The following TEX26 variants were observed in gnomAD, a reference collection of about 807,000 sequenced individuals.
TEX26 encodes testis expressed 26, also known as testis-expressed protein 26.
In TEX26, 34 loss-of-function variants were observed where a neutral mutation model predicts 35.3. The observed-to-expected ratio is 0.96, with a 90% confidence interval of 0.73 to 1.28. The LOEUF is 1.28. TEX26 is among the 50% of genes most tolerant of loss of function. The pLI, the probability that TEX26 is intolerant of heterozygous loss-of-function variation, is 0.00. For missense variants in TEX26, 371 were observed against 330.1 expected (o/e 1.12, Z -0.96); for synonymous variants, 136 against 111.8 (o/e 1.22, Z -1.36).
Position 30,954,277 on chromosome 13 carries a change from T to TACAC in TEX26, c.312+1492_312+1495dup, listed in dbSNP as rs56003143. Among the ~76,000 whole-genome samples the TACAC allele has an allele frequency of 3.5e-3, 479 of 137,940 alleles. 6 individuals carry two copies. Among genetic ancestry groups the TACAC allele is most frequent in the African/African-American group, 0.012 (438 of 36,882 alleles). 90.5% of individuals were successfully genotyped at this position (137,940 alleles called of 152,430 possible). ...AAAAATATATATATTTATAGACCTA[T>TACAC]ACACACACACACACACACACACACA... On this transcript the variant is annotated intron_variant, in intron 3 of 6. Transcript: ENST00000380473.
At chr13:30,934,656 G>A (rs1443463247) in intron 1 of TEX26, among the ~76,000 whole-genome samples, 1 of 152,158 alleles carries the variant, frequency 6.6e-6, no homozygotes, top group African/African-American at 2.4e-5. Flanking sequence ...CATGCTGGCT[G>A]CAGCAGGGAA....
intron 4 of TEX26, among the ~76,000 whole-genome samples, chr13:30,959,229 A>G (rs1954248753): frequency 6.6e-6 from 1 of 152,240 alleles, no homozygotes; most frequent in Admixed American, 6.5e-5. Flanking sequence ...ACTTACAGGC[A>G]TATAAAGAAA....
chr13:30,932,767 C>T lies in TEX26; in HGVS notation c.52C>T (p.Leu18Phe), dbSNP rs1369073227. ...APDPSLCHHN[L>F]QPTDDPNWDS... ...GGATCCCTCTCTCTGCCACCACAACCTCCAGCCAAGTAAGACAGCAGACTC... is the reference window on the plus strand; with the variant it reads ...GGATCCCTCTCTCTGCCACCACAACTTCCAGCCAAGTAAGACAGCAGACTC... Residue 18 changes from leucine (L) to phenylalanine (F), a missense_variant, in exon 1 of 7, where the codon CTC becomes TTC. Transcript: ENST00000380473. 4.3e-6 allele frequency: 7 copies of T among 1,614,028 alleles called. No individual in the cohort carries two copies. In the Admixed American group the frequency reaches 1.0e-4, roughly 23 times the overall value.
chr13:30,967,321 T>C (rs1332278357), intron 5 of TEX26, among the ~76,000 whole-genome samples: 1 of 152,122 alleles, frequency 6.6e-6, no homozygotes, highest in African/African-American at 2.4e-5. Flanking sequence ...CAGAGCCTCA[T>C]ATGTGTGACT....
In TEX26 at chr13:30,972,939, C is replaced by T. The variant is rs532137354; in HGVS notation, c.809-1907C>T. 4.6e-5 allele frequency among the ~76,000 whole-genome samples: 7 copies of T among 152,308 alleles called. No individual in the cohort carries two copies. In the South Asian group the frequency reaches 1.5e-3, roughly 32 times the overall value. On this transcript the variant is annotated intron_variant, in intron 6 of 6. Transcript: ENST00000380473. Reference sequence around the variant, plus strand: ...GGCATGAGCCACTGTGCCCAGCCATCAAAGAGTACAATCACTTTGGAAACA... The same window carrying T: ...GGCATGAGCCACTGTGCCCAGCCATTAAAGAGTACAATCACTTTGGAAACA...
At chr13:30,966,528 C>T in intron 5 of TEX26, 130 bp downstream of exon 5, 2 of 826,228 alleles carry the variant, frequency 2.4e-6, no homozygotes, top group Non-Finnish European at 3.6e-6. Flanking sequence ...ATCTCCGCCT[C>T]CTGGGTTCAA....
intron 3 of TEX26, among the ~76,000 whole-genome samples, chr13:30,956,389 C>T (rs1031504151): frequency 3.3e-5 from 5 of 151,920 alleles, no homozygotes; most frequent in African/African-American, 4.8e-5. Flanking sequence ...TGTATATGTG[C>T]CACATTTTCT....
At chr13:30,935,297 C>T (rs1023661515) in intron 1 of TEX26, among the ~76,000 whole-genome samples, 1 of 152,226 alleles carries the variant, frequency 6.6e-6, no homozygotes, top group African/African-American at 2.4e-5. Context: ...AGTAAGGCCC[C>T]ACCCTCTGAC....
intron 5 of TEX26, among the ~76,000 whole-genome samples, chr13:30,967,256 CA>C (rs1426264691): frequency 6.6e-6 from 1 of 152,102 alleles, no homozygotes; most frequent in African/African-American, 2.4e-5. Context: ...ACAATAATCA[CA>C]GAATTGATGC....
chr13:30,955,318 C>T (rs1954086288), intron 3 of TEX26, among the ~76,000 whole-genome samples: 1 of 152,224 alleles, frequency 6.6e-6, no homozygotes, highest in African/African-American at 2.4e-5. Flanking sequence ...TCTCTGGATA[C>T]ACCTGCCAAT....
At chr13:30,950,270 G>A (rs1388393187) in intron 2 of TEX26, among the ~76,000 whole-genome samples, 1 of 152,164 alleles carries the variant, frequency 6.6e-6, no homozygotes. Context: ...GACCAGTGTG[G>A]TGGCATGTGC....
chr13:30,933,053 A>C (rs1953134321), intron 1 of TEX26: 1 of 353,068 alleles, frequency 2.8e-6, no homozygotes, highest in African/African-American at 2.0e-5. Context: ...AGGGGACAGG[A>C]AAAAAGGAAG....
chr13:30,939,019 TGGA>T (rs1370770874), intron 1 of TEX26, among the ~76,000 whole-genome samples: 2 of 152,218 alleles, frequency 1.3e-5, no homozygotes, highest in Admixed American at 6.5e-5. Context: ...CCAGATGACT[TGGA>T]GGAGTTTTCT....
intron 3 of TEX26, among the ~76,000 whole-genome samples, chr13:30,953,245 C>T (rs976154699): frequency 2.0e-5 from 3 of 152,190 alleles, no homozygotes; most frequent in African/African-American, 2.4e-5. Context: ...CCGTGGATTA[C>T]CTTTTGTGGA....
intron 4 of TEX26, among the ~76,000 whole-genome samples, chr13:30,964,571 T>C (rs1480640873): frequency 6.6e-6 from 1 of 152,348 alleles, no homozygotes; most frequent in East Asian, 1.9e-4. Flanking sequence ...TGGAAATTTG[T>C]TTTTGCTTAT....
Position 30,944,584 on chromosome 13 carries a change from A to G in TEX26, c.146+4806A>G, listed in dbSNP as rs531384069. Among the ~76,000 whole-genome samples the G allele has an allele frequency of 1.2e-4, 18 of 152,190 alleles. No individual in the cohort carries two copies. The South Asian group carries it at 1.2e-3, about 11-fold the overall frequency. ...CTTTTTGCTGTAGGCATTTAGTGCT[A>G]TAAACTTTCCTCTTAGCACTGCTTT... On this transcript the variant is annotated intron_variant, in intron 2 of 6. Coordinates refer to ENST00000380473, the MANE Select transcript of TEX26 (RefSeq NM_152325.3).
intron 6 of TEX26, among the ~76,000 whole-genome samples, chr13:30,971,512 G>A (rs1011576789): frequency 2.0e-5 from 3 of 152,168 alleles, no homozygotes; most frequent in Non-Finnish European, 4.4e-5. Flanking sequence ...AGGTGAGGGT[G>A]TGGGAGAGAG....
At chr13:30,967,050 G>A (rs1954563784) in intron 5 of TEX26, among the ~76,000 whole-genome samples, 1 of 152,196 alleles carries the variant, frequency 6.6e-6, no homozygotes, top group Non-Finnish European at 1.5e-5. Flanking sequence ...GCTGTCAAGT[G>A]ACAGAAAGCA....
intron 4 of TEX26, among the ~76,000 whole-genome samples, chr13:30,963,784 C>A (rs1954433508): frequency 6.6e-6 from 1 of 152,090 alleles, no homozygotes; most frequent in Non-Finnish European, 1.5e-5. Context: ...ATCTACAGTC[C>A]CAAGTGTTAT....
Sources: allele counts gnomAD v4.1 joint callset (sites outside exome capture counted in the v4.1 genomes callset), GRCh38; gene constraint gnomAD v4.1.1; transcripts MANE v1.5; gene names NCBI Gene and HGNC (gene_info 2026-07-23, HGNC 2026-07-21).